The following GLRA2 variants were observed in gnomAD, a reference collection of about 807,000 sequenced individuals.
The protein encoded by GLRA2 is glycine receptor alpha 2.
GLRA2 carries 11 observed loss-of-function variants against 31.6 expected under a neutral mutation model. The ratio of observed to expected loss-of-function variants is 0.35; its 90% CI spans 0.22 to 0.58. GLRA2 has a LOEUF of 0.58. GLRA2 is among the 20% of genes least tolerant of loss of function. GLRA2 has a pLI of 0.84. For synonymous variants in GLRA2, 132 were observed against 134.0 expected (o/e 0.99, Z 0.10); for missense variants, 212 against 351.8 (o/e 0.60, Z 3.18).
At chrX:14,557,184 C>T (rs1375576148) in intron 2 of GLRA2, among the ~76,000 whole-genome samples, 4 of 86,638 alleles carry the variant, frequency 4.6e-5, no homozygotes, top group Non-Finnish European at 6.4e-5. Flanking sequence ...GGCGCGATCT[C>T]GGCTCACTGT....
chrX:14,608,585 TATATA>T (rs2090363598), intron 6 of GLRA2, among the ~76,000 whole-genome samples: 1 of 110,434 alleles, frequency 9.1e-6, no homozygotes, highest in African/African-American at 3.3e-5. Flanking sequence ...ATGCTATTAA[TATATA>T]ATATACTATA....
intron 1 of GLRA2, among the ~76,000 whole-genome samples, chrX:14,530,672 A>G (rs1055828873): frequency 1.8e-5 from 2 of 112,024 alleles, no homozygotes; most frequent in African/African-American, 6.5e-5. Flanking sequence ...CTGTTTGGAA[A>G]TGGATTGCCT....
the GLRA2 span, among the ~76,000 whole-genome samples, chrX:14,454,188 CCACACACACACACACACACACA>C: frequency 3.0e-5 from 3 of 101,492 alleles, no homozygotes; most frequent in Non-Finnish European, 4.0e-5. Context: ...ACCCACACAC[CCACACACACACACACACACACA>C]CACACACACA....
chrX:14,574,218 TGGCAATCTCACCATCA>T, intron 2 of GLRA2, 99 bp from the exon 3 acceptor site: 1 of 513,837 alleles, frequency 1.9e-6, no homozygotes, highest in Admixed American at 3.0e-5. Context: ...ACTTTTTTTT[TGGCAATCTCACCATCA>T]TTTTAATTGT....
At chrX:14,591,100 G>C (rs1325500580) in intron 4 of GLRA2, among the ~76,000 whole-genome samples, 1 of 112,242 alleles carries the variant, frequency 8.9e-6, no homozygotes, top group Non-Finnish European at 1.9e-5. Flanking sequence ...CTCCTGCTCA[G>C]GTTAGAAATA....
chrX:14,571,323 C>T (rs1254193562), intron 2 of GLRA2, among the ~76,000 whole-genome samples: 1 of 111,800 alleles, frequency 8.9e-6, no homozygotes, highest in East Asian at 2.8e-4. Flanking sequence ...AACACCTGAG[C>T]AGACTATTGT....
At chrX:14,726,250 T>C (rs2091927644) in intron 8 of GLRA2, among the ~76,000 whole-genome samples, 1 of 111,970 alleles carries the variant, frequency 8.9e-6, no homozygotes, top group Non-Finnish European at 1.9e-5. Flanking sequence ...GAAAGGCAAT[T>C]AGTCATTTAT....
rs149998977 is a variant in GLRA2 at position 14,592,168 on chromosome X, C to G, written c.494+10762C>G. On this transcript the variant is annotated intron_variant, in intron 4 of 8. Transcript: ENST00000218075. ...TCCTTCCCAAACCACAAAACACTTT[C>G]CTGATGAGTAAATAAGAGTGCATTC... Among the ~76,000 whole-genome samples the G allele has an allele frequency of 2.1e-3, 233 of 111,651 alleles. 1 individual carries two copies. The highest frequency in any genetic ancestry group is 7.1e-3 in the African/African-American group (218 of 30,729).
chrX:14,505,105 T>C, the GLRA2 span, among the ~76,000 whole-genome samples: 1 of 112,011 alleles, frequency 8.9e-6, no homozygotes, highest in South Asian at 3.7e-4. Flanking sequence ...GTGTTGTCCA[T>C]GACACAGAGA....
intron 7 of GLRA2, among the ~76,000 whole-genome samples, chrX:14,629,565 T>G (rs1049614557): frequency 4.5e-5 from 5 of 111,514 alleles, no homozygotes; most frequent in African/African-American, 1.6e-4. Context: ...GTTTTTAAAT[T>G]GAGATGTTTA....
intron 7 of GLRA2, among the ~76,000 whole-genome samples, chrX:14,666,828 C>T (rs2091042120): frequency 8.9e-6 from 1 of 111,932 alleles, no homozygotes; most frequent in East Asian, 2.8e-4. Flanking sequence ...TGTGTCCAAA[C>T]TGTACAGCTA....
intron 8 of GLRA2, among the ~76,000 whole-genome samples, chrX:14,692,619 T>C (rs920036572): frequency 8.9e-6 from 1 of 111,963 alleles, no homozygotes; most frequent in Non-Finnish European, 1.9e-5. Context: ...TAAAGTTGGG[T>C]GGAATACAAG....
intron 7 of GLRA2, among the ~76,000 whole-genome samples, chrX:14,678,824 C>G (rs1199050028): frequency 1.8e-5 from 2 of 111,024 alleles, no homozygotes; most frequent in African/African-American, 6.6e-5. Flanking sequence ...CCTTCTCACT[C>G]ACATTAAACT....
At chrX:14,470,014 G>T in the GLRA2 span, among the ~76,000 whole-genome samples, 1 of 111,073 alleles carries the variant, frequency 9.0e-6, no homozygotes, top group Non-Finnish European at 1.9e-5. Flanking sequence ...CAATGATTAA[G>T]AGAGTCACAA....
At chrX:14,625,881 T>C (rs73437217) in intron 7 of GLRA2, among the ~76,000 whole-genome samples, 3,229 of 111,600 alleles carry the variant, frequency 0.029, 100 homozygotes, top group African/African-American at 0.091. Context: ...GGTACTATTA[T>C]TATCCCTACT....
chrX:14,686,763 T>G (rs976450886), intron 7 of GLRA2, among the ~76,000 whole-genome samples: 1 of 111,950 alleles, frequency 8.9e-6, no homozygotes, highest in Non-Finnish European at 1.9e-5. Flanking sequence ...TCTTGACTCT[T>G]AATCCAATTT....
At chrX:14,526,937 A>G (rs1454669312), upstream of GLRA2, among the ~76,000 whole-genome samples, 1 of 111,574 alleles carries the variant, frequency 9.0e-6, no homozygotes, top group Non-Finnish European at 1.9e-5. Flanking sequence ...TATGCCTGCC[A>G]AGAAGACAGA....
chrX:14,612,137 A>T (rs1177720871), intron 7 of GLRA2, among the ~76,000 whole-genome samples: 1 of 112,022 alleles, frequency 8.9e-6, no homozygotes, highest in Non-Finnish European at 1.9e-5. Flanking sequence ...ACAAGAAAAC[A>T]AACAACCCCA....
chrX:14,635,865 C>T (rs1369390635), intron 7 of GLRA2, among the ~76,000 whole-genome samples: 2 of 110,956 alleles, frequency 1.8e-5, no homozygotes, highest in Admixed American at 1.9e-4. Flanking sequence ...GGGGATCAAA[C>T]ATTGCAGTTT....
Sources: gnomAD v4.1 joint callset for allele counts (sites outside exome capture counted in the v4.1 genomes callset) on GRCh38, gnomAD v4.1.1 for gene constraint, MANE v1.5 for transcripts, NCBI Gene and HGNC (gene_info 2026-07-23, HGNC 2026-07-21) for gene names.